Variants in MLXIPL observed in about 807,000 individuals in gnomAD.
MLXIPL encodes the protein MLX interacting protein like.
In MLXIPL, 49 loss-of-function variants were observed where a neutral mutation model predicts 81.5. That is an observed-to-expected ratio of 0.60 (90% CI 0.48 to 0.76). The LOEUF (loss-of-function observed/expected upper bound fraction) is 0.76. Among genes scored for constraint, MLXIPL ranks in the 30% least tolerant of loss-of-function variants. MLXIPL has a pLI of 0.00. For missense variants in MLXIPL, 1,053 were observed against 1,167.0 expected (o/e 0.90, Z 1.42); for synonymous variants, 466 against 485.5 (o/e 0.96, Z 0.53).
the MLXIPL span, among the ~76,000 whole-genome samples, chr7:73,633,239 C>T: frequency 4.0e-5 from 6 of 151,836 alleles, no homozygotes; most frequent in African/African-American, 7.3e-5. Context: ...CGCCACCACG[C>T]CCGGCTAATT....
chr7:73,597,336 G>A lies in MLXIPL; in HGVS notation c.1449C>T (p.Ala483=), dbSNP rs1554594571. Residue 483 remains alanine (A), a synonymous_variant, in exon 9 of 17, where the codon GCC becomes GCT. Transcript: ENST00000313375. The stretch of plus-strand genomic sequence containing the variant: ...TGGGCATGGAGAAGCAAGGCCCAAA[G>A]GCAGGCTCCGAATACCCCAAGGGTA... ...ELLPLGYSEP[A]FGPCFSMPRG... is the part of the protein sequence containing the mutation. The A allele has an allele frequency of 6.5e-7, 1 of 1,543,464 alleles. No individual in the cohort carries two copies. Among genetic ancestry groups the A allele is most frequent in the South Asian group, 1.2e-5 (1 of 80,876 alleles).
chr7:73,613,572 T>C (rs186950232), intron 2 of MLXIPL, among the ~76,000 whole-genome samples: 1 of 152,238 alleles, frequency 6.6e-6, no homozygotes, highest in East Asian at 1.9e-4. Context: ...CACTTCAGCA[T>C]GGGTGACAGA....
intron 2 of MLXIPL, chr7:73,609,554 T>TTGTGTGTGTGTGTGTGTGTGTGTGTG (rs34460340): frequency 4.8e-5 from 7 of 145,552 alleles, no homozygotes; most frequent in African/African-American, 1.5e-4. Context: ...CCTGGCCGCT[T>TTGTGTGTGTGTGTGTGTGTGTGTGTG]TGTGTGTGTG....
In MLXIPL at chr7:73,595,719, G is replaced by A. The variant is rs1794225533; in HGVS notation, c.2228C>T (p.Thr743Ile). ...TCGCATCTGGTCAAAACGCTGGTGT[G>A]TGATGGGTACCCCTGTGGCGGGCAG... is the stretch of plus-strand genomic sequence containing the variant. ...QQLPATGVPI[T>I]HQRFDQMRDM... The change falls in exon 15 of 17, where the codon ACA (threonine) becomes ATA (isoleucine). Residue 743 changes from threonine (T) to isoleucine (I), a missense_variant. This residue lies in a region of MLXIPL where 823 missense variants were observed against 933.0 expected (regional missense o/e 0.88). Coordinates refer to ENST00000313375, the MANE Select transcript of MLXIPL (RefSeq NM_032951.3). The A allele has an allele frequency of 2.5e-6, 4 of 1,613,440 alleles. No individual in the cohort carries two copies. Among genetic ancestry groups the A allele is most frequent in the Non-Finnish European group, 3.4e-6 (4 of 1,179,636 alleles).
At chr7:73,601,828 G>A (rs1376060620) in intron 7 of MLXIPL, among the ~76,000 whole-genome samples, 5 of 152,040 alleles carry the variant, frequency 3.3e-5, no homozygotes, top group Admixed American at 3.3e-4. Context: ...CACCGCGCCC[G>A]GCCCTGTGTG....
At chr7:73,607,281 G>A (rs1214589510) in intron 4 of MLXIPL, 50 bp downstream of exon 4, 1 of 1,517,074 alleles carries the variant, frequency 6.6e-7, no homozygotes, top group Non-Finnish European at 9.0e-7. Flanking sequence ...GCGGTAGCCG[G>A]CAGCCGCAGG....
chr7:73,596,456 C>T lies in MLXIPL; in HGVS notation c.1846G>A (p.Asp616Asn), dbSNP rs782753182. The part of the protein sequence containing the change: ...PSGSERRLSG[D>N]LSSMPGPGTL... ...CCAGGGCCTGGCATGGAGCTGAGGT[C>T]CCCTGACAGCCGCCGTTCACTGCCT... Residue 616 changes from aspartate (D) to asparagine (N), a missense_variant, in exon 12 of 17, where the codon GAC becomes AAC. By Grantham distance (23) the Asp-to-Asn change is conservative. Transcript: ENST00000313375. This position sits in a 1 kb window ranked among gnomAD's most constrained non-coding sequence, Gnocchi z 4.7. 1 of 1,612,760 alleles carries T rather than the reference C, an allele frequency of 6.2e-7. No individual in the cohort carries two copies.
Position 73,594,258 on chromosome 7 carries a change from G to T in MLXIPL, c.2440+16C>A, listed in dbSNP as rs369238966. The T allele has an allele frequency of 2.0e-5, 32 of 1,611,306 alleles. No individual in the cohort carries two copies. Among genetic ancestry groups the T allele is most frequent in the Non-Finnish European group, 2.6e-5 (31 of 1,180,002 alleles). On this transcript the variant is annotated intron_variant, in intron 16 of 16. Coordinates refer to ENST00000313375, the MANE Select transcript of MLXIPL (RefSeq NM_032951.3). ...AGGCTGGGTCCCTCTAGCAGGCAGGGAGATGGCTCACGTACTTGGCCGGAG... is the reference window on the plus strand; with the variant it reads ...AGGCTGGGTCCCTCTAGCAGGCAGGTAGATGGCTCACGTACTTGGCCGGAG...
Position 73,597,172 on chromosome 7 carries a change from T to C in MLXIPL, c.1603+10A>G. 6.3e-7 allele frequency: 1 copy of C among 1,598,012 alleles called. No homozygotes were observed. Among genetic ancestry groups the C allele is most frequent in the Non-Finnish European group, 8.5e-7 (1 of 1,174,902 alleles). ...CCCCAGGCTTTCCTCTCCCCGTTGC[T>C]GGCCCTCACCTGCTGTGAGCAGCTG... On this transcript the variant is annotated intron_variant, in intron 9 of 16. Transcript: ENST00000313375.
At chr7:73,606,270 C>G (rs1554598101) in intron 5 of MLXIPL, 159 bp from the exon 6 acceptor site, 4 of 746,376 alleles carry the variant, frequency 5.4e-6, no homozygotes, top group Admixed American at 4.2e-5. Context: ...GCTTGAAAGG[C>G]CAAGATCACT....
chr7:73,624,539 G>A (rs782161099), upstream of MLXIPL: 2 of 1,491,094 alleles, frequency 1.3e-6, no homozygotes, highest in South Asian at 2.5e-5. Flanking sequence ...CGCAGCGCGG[G>A]GAACAGCTCT....
chr7:73,631,875 G>C, the MLXIPL span, among the ~76,000 whole-genome samples: 6 of 101,834 alleles, frequency 5.9e-5, no homozygotes, highest in African/African-American at 7.7e-5. Context: ...TCCCTTCCCT[G>C]CCCTCCCCTC....
chr7:73,622,327 C>T (rs1295807387), intron 1 of MLXIPL, among the ~76,000 whole-genome samples: 1 of 151,856 alleles, frequency 6.6e-6, no homozygotes, highest in African/African-American at 2.4e-5. Flanking sequence ...CTCGTCTCTA[C>T]TAAAAATACA....
the MLXIPL span, among the ~76,000 whole-genome samples, chr7:73,644,043 T>C: frequency 1.3e-5 from 2 of 152,074 alleles, no homozygotes; most frequent in Admixed American, 6.6e-5. Flanking sequence ...TGGCTGGGAC[T>C]ATAAGCTTGT....
chr7:73,597,513 C>A lies in MLXIPL; in HGVS notation c.1272G>T (p.Leu424Phe). 2 of 1,372,710 alleles carry A rather than the reference C, an allele frequency of 1.5e-6. No individual in the cohort carries two copies. The highest frequency in any genetic ancestry group is 9.4e-7 in the Non-Finnish European group (1 of 1,061,458). 85.0% of individuals were successfully genotyped at this position (1,372,710 alleles called of 1,614,324 possible). ...PFPPMAPPTA[L>F]LQEEPLFSPR... ...GAGAGAAGAGAGGCTCTTCCTGCAGCAAAGCAGTGGGTGGTGCCATGGGAG... is the reference window on the plus strand; with the variant it reads ...GAGAGAAGAGAGGCTCTTCCTGCAGAAAAGCAGTGGGTGGTGCCATGGGAG... The change falls in exon 9 of 17, where the codon TTG (leucine) becomes TTT (phenylalanine). Residue 424 changes from leucine (L) to phenylalanine (F), a missense_variant. Leu to Phe is a conservative substitution (Grantham distance 22, BLOSUM62 0). Coordinates refer to ENST00000313375, the MANE Select transcript of MLXIPL (RefSeq NM_032951.3).
At chr7:73,640,783 A>G in the MLXIPL span, among the ~76,000 whole-genome samples, 1 of 151,856 alleles carries the variant, frequency 6.6e-6, no homozygotes, top group Non-Finnish European at 1.5e-5. Context: ...TCTCAAAAAA[A>G]AAAAAAAAAA....
chr7:73,593,434 G>A lies in MLXIPL; in HGVS notation c.*431C>T, dbSNP rs1421555139. 1 of 283,436 alleles carries A rather than the reference G, an allele frequency of 3.5e-6. No homozygotes were observed. Among genetic ancestry groups the A allele is most frequent in the Non-Finnish European group, 7.0e-6 (1 of 142,592 alleles). The allele number at this position is 283,436 out of a possible 1,614,324, so 17.6% of individuals were successfully genotyped here. On this transcript the variant is annotated 3_prime_UTR_variant, in exon 17 of 17. Coordinates refer to ENST00000313375, the MANE Select transcript of MLXIPL (RefSeq NM_032951.3). ...TTCTGCTTCTCTGCTCAGGAACAGA[G>A]GTCTGTGCCCCACCTGTCGGGGAGC...
At chr7:73,614,467 A>G (rs1554600351) in intron 2 of MLXIPL, among the ~76,000 whole-genome samples, 1 of 152,186 alleles carries the variant, frequency 6.6e-6, no homozygotes, top group Non-Finnish European at 1.5e-5. Context: ...GGAAACCAGA[A>G]AACACACCCT....
intron 1 of MLXIPL, among the ~76,000 whole-genome samples, chr7:73,620,794 T>C (rs1318210826): frequency 1.3e-5 from 2 of 149,396 alleles, no homozygotes; most frequent in African/African-American, 4.9e-5. Context: ...CTCATACCTG[T>C]AATCCCAGCA....
Sources: gnomAD v4.1 joint callset for allele counts (sites outside exome capture counted in the v4.1 genomes callset) on GRCh38, gnomAD v4.1.1 for gene constraint, gnomAD v4.1.1 regional missense constraint, Gnocchi (gnomAD v3.1) non-coding constraint, MANE v1.5 for transcripts, NCBI Gene and HGNC (gene_info 2026-07-23, HGNC 2026-07-21) for gene names.